RARB: variants seen among roughly 807,000 people sequenced by gnomAD.
RARB encodes retinoic acid receptor beta.
Under a neutral mutation model 51.9 loss-of-function variants are expected in RARB, and 17 were observed. The ratio of observed to expected loss-of-function variants is 0.33; its 90% confidence interval spans 0.22 to 0.49. The LOEUF is 0.49. Ranked by LOEUF, RARB falls within the 20% of genes least tolerant of loss-of-function variation. RARB has a pLI of 0.99. For missense variants in RARB, 369 were observed against 550.8 expected (o/e 0.67, Z 3.30); for synonymous variants, 215 against 195.4 (o/e 1.10, Z -0.84).
chr3:25,419,194 C>T (rs1053336712), intron 5 of RARB, among the ~76,000 whole-genome samples: 2 of 152,012 alleles, frequency 1.3e-5, no homozygotes, highest in South Asian at 2.1e-4. Context: ...TCCGAGACAA[C>T]GATGTTCCTT....
At chr3:25,077,523 CTT>C (rs1282740744) in intron 3 of RARB, among the ~76,000 whole-genome samples, 1 of 152,106 alleles carries the variant, frequency 6.6e-6, no homozygotes, top group Non-Finnish European at 1.5e-5. Flanking sequence ...TTTTAATAGT[CTT>C]TTTACTGCTG....
At chr3:24,902,201 G>A (rs1331877462) in intron 2 of RARB, among the ~76,000 whole-genome samples, 1 of 152,140 alleles carries the variant, frequency 6.6e-6, no homozygotes, top group Admixed American at 6.6e-5. Context: ...TCTAGAATTT[G>A]ACCACAGACT....
At chr3:25,338,496 A>G (rs1281166021) in intron 5 of RARB, among the ~76,000 whole-genome samples, 2 of 152,138 alleles carry the variant, frequency 1.3e-5, no homozygotes, top group African/African-American at 4.8e-5. Context: ...CCCACTGTCA[A>G]TTATTGATGG....
chr3:25,342,787 A>G (rs1463087190), intron 5 of RARB, among the ~76,000 whole-genome samples: 2 of 152,130 alleles, frequency 1.3e-5, no homozygotes, highest in Non-Finnish European at 2.9e-5. Context: ...AAAAGCAGAA[A>G]CAGAGACGGT....
chr3:25,428,704 T>G lies in RARB; in HGVS notation c.-28T>G. 1 of 1,594,314 alleles carries G rather than the reference T, an allele frequency of 6.3e-7. No homozygotes were observed. Among genetic ancestry groups the G allele is most frequent in the Non-Finnish European group, 8.6e-7 (1 of 1,164,516 alleles). ...CCTCCACACCTAGAGGATAAGCACT[T>G]TTGCAGACATTCAGTGCAAGGGAGA... On this transcript the variant is annotated 5_prime_UTR_variant, in exon 1 of 8. Coordinates refer to ENST00000330688, the MANE Select transcript of RARB (RefSeq NM_000965.5).
At chr3:25,566,902 G>A (rs1049911411) in intron 3 of RARB, among the ~76,000 whole-genome samples, 5 of 152,212 alleles carry the variant, frequency 3.3e-5, no homozygotes, top group Admixed American at 2.6e-4. Context: ...TTCCTTGAGT[G>A]TAGAAATGGG....
chr3:25,436,567 C>G (rs557345462), intron 1 of RARB, among the ~76,000 whole-genome samples: 6 of 152,144 alleles, frequency 3.9e-5, no homozygotes, highest in Non-Finnish European at 5.9e-5. Context: ...ACAATACAAA[C>G]TAGAGGTAGG....
chr3:25,545,550 C>T (rs958441716), intron 3 of RARB, among the ~76,000 whole-genome samples: 6 of 152,214 alleles, frequency 3.9e-5, no homozygotes, highest in Admixed American at 2.0e-4. Context: ...TCTCCACTCT[C>T]ATTCCCTCCG....
rs571139562 is a variant in RARB, at chr3:25,231,253, G to A, written c.178+56678G>A. On this transcript the variant is annotated intron_variant, in intron 5 of 11. Coordinates refer to the RARB transcript ENST00000383772. ...ATTAAAGGGATTGTTCATCAAGACAGGGTCCAGCAAAGCAATGCTTGCTTT... is the reference window on the plus strand; with the variant it reads ...ATTAAAGGGATTGTTCATCAAGACAAGGTCCAGCAAAGCAATGCTTGCTTT... Among the ~76,000 whole-genome samples, 7 of 152,272 alleles carry A rather than the reference G, an allele frequency of 4.6e-5. No homozygotes were observed. The East Asian group carries it at 5.8e-4, about 13-fold the overall frequency.
chr3:25,205,017 C>T (rs994802334), intron 5 of RARB, among the ~76,000 whole-genome samples: 1 of 152,142 alleles, frequency 6.6e-6, no homozygotes, highest in African/African-American at 2.4e-5. Context: ...TGCCTTGCCC[C>T]CAGAGGTGGA....
intron 5 of RARB, among the ~76,000 whole-genome samples, chr3:25,292,218 G>A (rs1199140691): frequency 1.3e-5 from 2 of 152,150 alleles, no homozygotes; most frequent in African/African-American, 4.8e-5. Context: ...TTCACTGCTG[G>A]CGATGCAGCG....
intron 1 of RARB, among the ~76,000 whole-genome samples, chr3:25,445,296 A>T (rs975893665): frequency 1.3e-5 from 2 of 152,200 alleles, no homozygotes; most frequent in Non-Finnish European, 2.9e-5. Flanking sequence ...AATTAAAATA[A>T]GCATGACCAG....
At position 25,250,893 on chromosome 3, in the gene RARB, T is replaced by A. The variant is rs1228080915; in HGVS notation, c.178+76318T>A. Reference sequence around the variant, plus strand: ...AGACTGCAGGAGTCTGTGGTGGGAATCTGTAGCAATTGGGTGTTGTTCACT... The same window carrying A: ...AGACTGCAGGAGTCTGTGGTGGGAAACTGTAGCAATTGGGTGTTGTTCACT... On this transcript the variant is annotated intron_variant, in intron 5 of 11. Transcript: ENST00000383772. Among the ~76,000 whole-genome samples, 3 of 152,154 alleles carry A rather than the reference T, an allele frequency of 2.0e-5. 1 individual carries two copies. In the South Asian group the frequency reaches 6.2e-4, roughly 32 times the overall value.
At chr3:25,034,554 A>G (rs1697942451) in intron 2 of RARB, among the ~76,000 whole-genome samples, 1 of 152,228 alleles carries the variant, frequency 6.6e-6, no homozygotes, top group African/African-American at 2.4e-5. Context: ...GTAGATGTGC[A>G]AAGAGTAAAC....
intron 2 of RARB, among the ~76,000 whole-genome samples, chr3:24,867,713 T>G (rs1208388832): frequency 6.6e-6 from 1 of 152,082 alleles, no homozygotes; most frequent in Non-Finnish European, 1.5e-5. Flanking sequence ...CTCAGGGTCG[T>G]TTTTGTGTAT....
chr3:24,862,092 C>A (rs1702758750), intron 2 of RARB, among the ~76,000 whole-genome samples: 1 of 152,112 alleles, frequency 6.6e-6, no homozygotes, highest in Non-Finnish European at 1.5e-5. Flanking sequence ...AGCACTAGTA[C>A]CTATGTGTGA....
At chr3:25,522,288 C>T (rs1344808872) in intron 3 of RARB, among the ~76,000 whole-genome samples, 1 of 152,038 alleles carries the variant, frequency 6.6e-6, no homozygotes, top group Non-Finnish European at 1.5e-5. Context: ...TGTCCCTTGC[C>T]AGTAAACTGC....
chr3:25,116,673 T>C (rs939291244), intron 3 of RARB, among the ~76,000 whole-genome samples: 1 of 152,048 alleles, frequency 6.6e-6, no homozygotes, highest in Non-Finnish European at 1.5e-5. Context: ...ACCATTGACT[T>C]TGGTAAGTAA....
chr3:25,231,466 G>A (rs1267551444), intron 5 of RARB, among the ~76,000 whole-genome samples: 7 of 152,086 alleles, frequency 4.6e-5, no homozygotes, highest in African/African-American at 9.7e-5. Flanking sequence ...TCACAGCCAA[G>A]CAATACTCTT....
Sources: gnomAD v4.1 joint callset for allele counts (sites outside exome capture counted in the v4.1 genomes callset) on GRCh38, gnomAD v4.1.1 for gene constraint, MANE v1.5 for transcripts, NCBI Gene and HGNC (gene_info 2026-07-23, HGNC 2026-07-21) for gene names.